SANBR: variants seen among roughly 807,000 people sequenced by gnomAD.
SANBR encodes the protein SANT and BTB domain regulator of class switch recombination.
Under a neutral mutation model 101.8 loss-of-function variants are expected in SANBR, and 77 were observed. That is an observed-to-expected ratio of 0.76 (90% CI 0.63 to 0.91). The LOEUF (loss-of-function observed/expected upper bound fraction) is 0.91. Among genes scored for constraint, SANBR ranks in the 40% least tolerant of loss-of-function variants. The probability of loss-of-function intolerance (pLI) is 0.00; values close to 1 mark genes in which losing one functional copy is unlikely to be tolerated. For missense variants in SANBR, 875 were observed against 853.0 expected (o/e 1.03, Z -0.32); for synonymous variants, 279 against 274.7 (o/e 1.02, Z -0.15).
chr2:61,103,012 A>G (rs2104928832), intron 12 of SANBR, among the ~76,000 whole-genome samples: 1 of 152,246 alleles, frequency 6.6e-6, no homozygotes, highest in South Asian at 2.1e-4. Flanking sequence ...AACTAGAAAC[A>G]AGCCATCAGT....
intron 20 of SANBR, among the ~76,000 whole-genome samples, chr2:61,132,131 A>G (rs1309212360): frequency 6.6e-6 from 1 of 152,128 alleles, no homozygotes; most frequent in African/African-American, 2.4e-5. Flanking sequence ...CTTAGATAAG[A>G]CAATAAAAGC....
Position 61,122,256 on chromosome 2 carries a change from A to C in SANBR, c.*94A>C. On this transcript the variant is annotated 3_prime_UTR_variant, in exon 22 of 22. Coordinates refer to ENST00000402291, the MANE Select transcript of SANBR (RefSeq NM_001129993.3). ...AAGATCTTCAGAACAATGACTTCCA[A>C]CTGTTTTATGTTATTATTATTTTAA... 1 of 1,442,252 alleles carries C rather than the reference A, an allele frequency of 6.9e-7. No homozygotes were observed. Among genetic ancestry groups the C allele is most frequent in the Admixed American group, 2.7e-5 (1 of 37,500 alleles). The allele number at this position is 1,442,252 out of a possible 1,614,324, so 89.3% of individuals were successfully genotyped here. A position where few individuals can be genotyped will look rare whatever the true frequency, so the allele number is the denominator to read the frequency against.
At position 61,070,344 on chromosome 2, in the gene SANBR, C is replaced by T. The variant is rs199775675; in HGVS notation, c.-7C>T. On this transcript the variant is annotated splice_region_variant and 5_prime_UTR_variant, in exon 3 of 22. Coordinates refer to ENST00000402291, the MANE Select transcript of SANBR (RefSeq NM_001129993.3). ...CTTTTTGTCTTCCCTATCCCTAGTT[C>T]CAAAAGATGAGTCGTGGATATTCAG... is the stretch of plus-strand genomic sequence containing the variant. 6.4e-7 allele frequency: 1 copy of T among 1,558,778 alleles called. No individual in the cohort carries two copies. Among genetic ancestry groups the T allele is most frequent in the Non-Finnish European group, 8.6e-7 (1 of 1,158,772 alleles).
At position 61,092,480 on chromosome 2, in the gene SANBR, G is replaced by T. The variant is rs1456622472; in HGVS notation, c.1105G>T (p.Val369Phe). 1 of 1,594,448 alleles carries T rather than the reference G, an allele frequency of 6.3e-7. No homozygotes were observed. Among genetic ancestry groups the T allele is most frequent in the Non-Finnish European group, 8.5e-7 (1 of 1,171,410 alleles). ...YIHIRDKTWD[V>F]HEYLNSLFEE... ...TTTCTCCAGAGATAAGACATGGGAT[G>T]TTCATGAGTATTTGAATAGTCTTTT... The change falls in exon 11 of 22, where the codon GTT becomes TTT. Residue 369 changes from valine to phenylalanine, a missense_variant. Transcript: ENST00000402291.
intron 6 of SANBR, 109 bp downstream of exon 6, chr2:61,077,267 C>G: frequency 2.7e-6 from 2 of 746,760 alleles, no homozygotes; most frequent in Non-Finnish European, 4.7e-6. Context: ...GGTGTTTATG[C>G]TCATATTAGT....
intron 2 of SANBR, chr2:61,069,712 C>T (rs1324219893): frequency 1.3e-5 from 2 of 152,296 alleles, no homozygotes; most frequent in Admixed American, 1.3e-4. Context: ...AGAAGTATCT[C>T]GTACACATTG....
intron 5 of SANBR, among the ~76,000 whole-genome samples, chr2:61,075,561 C>T (rs546995026): frequency 2.6e-5 from 4 of 152,170 alleles, no homozygotes; most frequent in East Asian, 3.9e-4. Context: ...GCCCAGCCGA[C>T]GTAATTTTCA....
intron 8 of SANBR, among the ~76,000 whole-genome samples, chr2:61,083,578 A>G (rs1682260861): frequency 6.6e-6 from 1 of 151,512 alleles, no homozygotes; most frequent in Non-Finnish European, 1.5e-5. Flanking sequence ...AAAAAAAAAA[A>G]AAAAATTTTG....
intron 5 of SANBR, among the ~76,000 whole-genome samples, chr2:61,075,892 A>G (rs567562937): frequency 1.3e-5 from 2 of 152,178 alleles, no homozygotes; most frequent in South Asian, 4.1e-4. Context: ...TCCCACACCC[A>G]TAACTGTGTA....
At chr2:61,106,434 T>G in intron 13 of SANBR, 129 bp from the exon 14 acceptor site, 5 of 534,718 alleles carry the variant, frequency 9.4e-6, no homozygotes, top group East Asian at 8.0e-5. Flanking sequence ...ATTGTTGACG[T>G]GATATCCTTA....
chr2:61,122,809 C>G lies in SANBR; in HGVS notation c.*647C>G. On this transcript the variant is annotated 3_prime_UTR_variant, in exon 22 of 22. Coordinates refer to ENST00000402291, the MANE Select transcript of SANBR (RefSeq NM_001129993.3). ...TTTTCTTTCAGTTTTTAATGCTTATCTATTGATCATCTGAGCTGGAATTAC... is the reference window on the plus strand; with the variant it reads ...TTTTCTTTCAGTTTTTAATGCTTATGTATTGATCATCTGAGCTGGAATTAC... The G allele has an allele frequency of 2.0e-6, 2 of 985,178 alleles. No homozygotes were observed. Among genetic ancestry groups the G allele is most frequent in the Non-Finnish European group, 2.4e-6 (2 of 829,732 alleles). The allele number at this position is 985,178 out of a possible 1,614,324, so 61.0% of individuals were successfully genotyped here. A position where few individuals can be genotyped will look rare whatever the true frequency, so the allele number is the denominator to read the frequency against.
At position 61,111,663 on chromosome 2, in the gene SANBR, T is replaced by A. The variant is rs1057469649; in HGVS notation, c.1744+2367T>A. On this transcript the variant is annotated intron_variant, in intron 16 of 21. Transcript: ENST00000402291. ...TGTGTAACCACCACCAAAATAAAAA[T>A]CTAGAACATCATTTCAAAAAGTTCC... 8.5e-5 allele frequency among the ~76,000 whole-genome samples: 13 copies of A among 152,222 alleles called. No individual in the cohort carries two copies. The East Asian group carries it at 2.3e-3, about 27-fold the overall frequency.
intron 16 of SANBR, 51 bp from the exon 17 acceptor site, chr2:61,115,928 C>T (rs1453749221): frequency 8.8e-7 from 1 of 1,132,394 alleles, no homozygotes; most frequent in Non-Finnish European, 1.3e-6. Flanking sequence ...AACAAGTGGA[C>T]TGGAAAAGTA....
intron 21 of SANBR, among the ~76,000 whole-genome samples, chr2:61,134,622 C>T (rs191252026): frequency 1.6e-4 from 25 of 152,290 alleles, no homozygotes; most frequent in Admixed American, 5.9e-4. Context: ...TGGCCAGGCA[C>T]GGTGGCTCAC....
At position 61,136,441 on chromosome 2, in the gene SANBR, T is replaced by TGGCC. The variant is rs1241097432; in HGVS notation, c.*45-1023_*45-1022insGGCC. Among the ~76,000 whole-genome samples the TGGCC allele has an allele frequency of 2.0e-3, 280 of 141,210 alleles. No homozygotes were observed. The Middle Eastern group carries it at 0.047, about 24-fold the overall frequency. 92.6% of individuals were successfully genotyped at this position (141,210 alleles called of 152,430 possible). A position where few individuals can be genotyped will look rare whatever the true frequency, so the allele number is the denominator to read the frequency against. On this transcript the variant is annotated intron_variant, in intron 21 of 21. Transcript: ENST00000295031. ...CGAGGTCAGGAGTTCAAGACCAGCC[T>TGGCC]AACATGGTGAAACCCTGTCTCTACT...
chr2:61,121,521 C>G (rs72809481), intron 21 of SANBR: 6 of 327,424 alleles, frequency 1.8e-5, no homozygotes, highest in Non-Finnish European at 3.5e-5. Flanking sequence ...TCTGAGCCAA[C>G]TCCTGATAAA....
chr2:61,107,588 A>G (rs1683634198), intron 14 of SANBR, among the ~76,000 whole-genome samples: 1 of 152,210 alleles, frequency 6.6e-6, no homozygotes, highest in African/African-American at 2.4e-5. Context: ...GAAGTGCTTT[A>G]TAAACTTCAG....
At position 61,083,189 on chromosome 2, in the gene SANBR, G is replaced by A; in HGVS notation, c.765G>A (p.Met255Ile). The A allele has an allele frequency of 6.2e-7, 1 of 1,612,580 alleles. No individual in the cohort carries two copies. The highest frequency in any genetic ancestry group is 1.1e-5 in the South Asian group (1 of 90,948). ...GTATTCAGTATTGCCACAAAAATATGAATGCCATAGTAGCTACCCCATGCA... is the reference window on the plus strand; with the variant it reads ...GTATTCAGTATTGCCACAAAAATATAAATGCCATAGTAGCTACCCCATGCA... ...EQCIQYCHKN[M>I]NAIVATPCNM... Residue 255 changes from methionine to isoleucine, a missense_variant, in exon 8 of 22, where the codon ATG becomes ATA. By Grantham distance (10) the Met-to-Ile change is conservative. Coordinates refer to ENST00000402291, the MANE Select transcript of SANBR (RefSeq NM_001129993.3).
At chr2:61,077,276 G>A (rs971897431) in intron 6 of SANBR, 118 bp downstream of exon 6, 2 of 717,640 alleles carry the variant, frequency 2.8e-6, no homozygotes, top group Non-Finnish European at 2.5e-6. Context: ...GCTCATATTA[G>A]TAACAGCCTT....
Sources: allele counts gnomAD v4.1 joint callset (sites outside exome capture counted in the v4.1 genomes callset), GRCh38; gene constraint gnomAD v4.1.1; transcripts MANE v1.5; gene names NCBI Gene and HGNC (gene_info 2026-07-23, HGNC 2026-07-21).